Variants in PDE4D observed in about 807,000 individuals in gnomAD.
PDE4D encodes the protein 3',5'-cyclic-AMP phosphodiesterase 4D.
PDE4D carries 24 observed loss-of-function variants against 87.4 expected under a neutral mutation model. That is an observed-to-expected ratio of 0.27 (90% confidence interval 0.20 to 0.39). The LOEUF is 0.39. PDE4D is among the 10% of genes least tolerant of loss of function. The probability of loss-of-function intolerance (pLI) is 1.00; values close to 1 mark genes in which losing one functional copy is unlikely to be tolerated. For missense variants in PDE4D, 714 were observed against 1,041.0 expected (o/e 0.69, Z 4.32); for synonymous variants, 384 against 383.2 (o/e 1.00, Z -0.02).
At chr5:59,649,928 T>TTTTTTTTTTTTTTTTTTTTTTTG (rs1344251960) in intron 1 of PDE4D, among the ~76,000 whole-genome samples, 1 of 138,588 alleles carries the variant, frequency 7.2e-6, no homozygotes, top group Non-Finnish European at 1.5e-5. Flanking sequence ...TTTTTTTTTT[T>TTTTTTTTTTTTTTTTTTTTTTTG]TTTTAGCAAT....
At chr5:60,262,964 G>A (rs1175136133) in intron 1 of PDE4D, among the ~76,000 whole-genome samples, 2 of 152,150 alleles carry the variant, frequency 1.3e-5, no homozygotes, top group Non-Finnish European at 2.9e-5. Context: ...TTTGGATAGG[G>A]GAGGAAAAAG....
At chr5:59,660,131 T>C (rs1292180542) in intron 1 of PDE4D, among the ~76,000 whole-genome samples, 2 of 152,050 alleles carry the variant, frequency 1.3e-5, no homozygotes, top group East Asian at 3.9e-4. Flanking sequence ...GCTGGCTGCA[T>C]TGAGTCAAGA....
intron 5 of PDE4D, among the ~76,000 whole-genome samples, chr5:59,065,061 TATATATACACACACACACACACAC>T (rs1372974848): frequency 0.03 from 491 of 16,530 alleles, 9 homozygotes; most frequent in East Asian, 0.24. Context: ...AAATGTGATA[TATATATACACACACACACACACAC>T]ACACACACAC....
intron 1 of PDE4D, among the ~76,000 whole-genome samples, chr5:59,330,890 T>C (rs1210421019): frequency 6.6e-6 from 1 of 152,144 alleles, no homozygotes; most frequent in African/African-American, 2.4e-5. Context: ...CACACATTTC[T>C]GACATCGTGA....
intron 5 of PDE4D, among the ~76,000 whole-genome samples, chr5:59,060,123 T>C (rs1354601731): frequency 6.6e-6 from 1 of 152,168 alleles, no homozygotes; most frequent in Non-Finnish European, 1.5e-5. Context: ...GTATTTATTG[T>C]TTTCTCTTTC....
chr5:59,137,101 T>C (rs751058637), intron 5 of PDE4D, among the ~76,000 whole-genome samples: 2 of 152,170 alleles, frequency 1.3e-5, no homozygotes, highest in Non-Finnish European at 2.9e-5. Context: ...AAACTTTCTT[T>C]CTGCCCCCAT....
intron 5 of PDE4D, among the ~76,000 whole-genome samples, chr5:59,131,364 G>C (rs1393855047): frequency 6.6e-6 from 1 of 152,074 alleles, no homozygotes. Flanking sequence ...TTTATTGACT[G>C]ATACACAAGT....
chr5:60,028,272 G>T (rs1344443662), intron 2 of PDE4D, among the ~76,000 whole-genome samples: 2 of 151,934 alleles, frequency 1.3e-5, no homozygotes, highest in African/African-American at 2.4e-5. Flanking sequence ...TGTTTTGGGG[G>T]CCCCAAGATT....
chr5:59,082,161 C>T (rs1766885482), intron 5 of PDE4D, among the ~76,000 whole-genome samples: 1 of 152,110 alleles, frequency 6.6e-6, no homozygotes, highest in African/African-American at 2.4e-5. Flanking sequence ...TGGCCTAATA[C>T]AGTAGTATAT....
intron 1 of PDE4D, among the ~76,000 whole-genome samples, chr5:59,523,110 TTC>T (rs1025093475): frequency 3.6e-4 from 55 of 152,116 alleles, no homozygotes; most frequent in Non-Finnish European, 4.4e-5. Context: ...TATCTTCTGC[TTC>T]TCTCTCTCAT....
At chr5:59,061,638 C>A (rs1194938299) in intron 5 of PDE4D, among the ~76,000 whole-genome samples, 1 of 152,096 alleles carries the variant, frequency 6.6e-6, no homozygotes, top group Non-Finnish European at 1.5e-5. Context: ...TACAGAGACT[C>A]TTCCTGTCCA....
In PDE4D at chr5:59,534,023, T is replaced by TC. The variant is rs1400143087; in HGVS notation, c.456-318056dup. On this transcript the variant is annotated intron_variant, in intron 1 of 14. Transcript: ENST00000340635. Reference sequence around the variant, plus strand: ...TCTGCTGCAACCCAAACCTAAAACCTCCCCTAAAACCCAAACCTAAAAGTA... The same window carrying TC: ...TCTGCTGCAACCCAAACCTAAAACCTCCCCCTAAAACCCAAACCTAAAAGTA... 7.2e-5 allele frequency among the ~76,000 whole-genome samples: 11 copies of TC among 152,186 alleles called. No individual in the cohort carries two copies. In the East Asian group the frequency reaches 2.1e-3, roughly 29 times the overall value.
chr5:60,105,259 T>C (rs1485507813), intron 2 of PDE4D, among the ~76,000 whole-genome samples: 1 of 151,988 alleles, frequency 6.6e-6, no homozygotes, highest in African/African-American at 2.4e-5. Context: ...AGAAAGGGTA[T>C]CAGTGATGGA....
At chr5:59,222,982 T>C (rs892900586) in intron 1 of PDE4D, among the ~76,000 whole-genome samples, 5 of 152,194 alleles carry the variant, frequency 3.3e-5, no homozygotes, top group Non-Finnish European at 7.3e-5. Flanking sequence ...TTCATCTAGG[T>C]CATTCTCTTT....
intron 1 of PDE4D, among the ~76,000 whole-genome samples, chr5:60,474,134 AT>A (rs1748110945): frequency 1.0e-5 from 1 of 97,692 alleles, no homozygotes; most frequent in African/African-American, 6.1e-5. Context: ...ATATATATAT[AT>A]ATATATATAT....
At chr5:59,664,975 C>T (rs1178424628) in intron 1 of PDE4D, among the ~76,000 whole-genome samples, 1 of 152,194 alleles carries the variant, frequency 6.6e-6, no homozygotes, top group East Asian at 1.9e-4. Flanking sequence ...TTTGTAGAGT[C>T]ATACATCTAA....
At chr5:59,249,139 A>G (rs1759437632) in intron 1 of PDE4D, among the ~76,000 whole-genome samples, 2 of 152,072 alleles carry the variant, frequency 1.3e-5, no homozygotes, top group Admixed American at 6.6e-5. Context: ...AAACTATGCA[A>G]CCCCAATAGA....
At chr5:59,382,693 A>G (rs1562072632) in intron 1 of PDE4D, among the ~76,000 whole-genome samples, 1 of 152,120 alleles carries the variant, frequency 6.6e-6, no homozygotes, top group Non-Finnish European at 1.5e-5. Flanking sequence ...GGACCCAGGA[A>G]ATCTGCATTA....
chr5:59,614,774 G>C (rs295974), intron 1 of PDE4D, among the ~76,000 whole-genome samples: 135,143 of 152,214 alleles, frequency 0.89, 60,013 homozygotes, highest in South Asian at 0.93. Flanking sequence ...TCTGTAAATT[G>C]ATACATCCTC....
Sources: allele counts gnomAD v4.1 joint callset (sites outside exome capture counted in the v4.1 genomes callset), GRCh38; gene constraint gnomAD v4.1.1; transcripts MANE v1.5; gene names NCBI Gene and HGNC (gene_info 2026-07-23, HGNC 2026-07-21).